CPNE4: variants seen among roughly 807,000 people sequenced by gnomAD.
CPNE4 encodes the protein copine 4.
Under a neutral mutation model 67.9 loss-of-function variants are expected in CPNE4, and 25 were observed. The ratio of observed to expected loss-of-function variants is 0.37; its 90% confidence interval spans 0.27 to 0.51. CPNE4 has a LOEUF of 0.51. Among genes scored for constraint, CPNE4 ranks in the 20% least tolerant of loss-of-function variants. CPNE4 has a pLI of 0.93. For synonymous variants in CPNE4, 242 were observed against 244.9 expected (o/e 0.99, Z 0.11); for missense variants, 464 against 690.8 (o/e 0.67, Z 3.68).
chr3:131,912,366 G>T lies in CPNE4; in HGVS notation c.-1-6922C>A, dbSNP rs997217057. On this transcript the variant is annotated intron_variant, in intron 1 of 15. Transcript: ENST00000429747. ...TTCACAGGGGAACCAACTGAGCAGAGCTTGTCTTAAGACTGTGTCAAGAAT... is the reference window on the plus strand; with the variant it reads ...TTCACAGGGGAACCAACTGAGCAGATCTTGTCTTAAGACTGTGTCAAGAAT... 2.2e-4 allele frequency among the ~76,000 whole-genome samples: 33 copies of T among 152,114 alleles called. 1 individual carries two copies. Among genetic ancestry groups the T allele is most frequent in the African/African-American group, 7.7e-4 (32 of 41,530 alleles).
At chr3:131,658,135 GT>G (rs11434539) in intron 7 of CPNE4, among the ~76,000 whole-genome samples, 1 of 151,836 alleles carries the variant, frequency 6.6e-6, no homozygotes. Context: ...ATTTATTTTT[GT>G]TTTTTGTAAA....
At chr3:131,558,046 C>G (rs944411188) in intron 11 of CPNE4, among the ~76,000 whole-genome samples, 1 of 151,902 alleles carries the variant, frequency 6.6e-6, no homozygotes, top group Non-Finnish European at 1.5e-5. Flanking sequence ...TCCTTTTATA[C>G]TTTCTAAGCC....
chr3:131,604,657 C>G (rs1189950131), intron 7 of CPNE4, among the ~76,000 whole-genome samples: 1 of 152,126 alleles, frequency 6.6e-6, no homozygotes, highest in East Asian at 1.9e-4. Context: ...ACATCGGACT[C>G]CATGTTCTTC....
intron 2 of CPNE4, among the ~76,000 whole-genome samples, chr3:131,764,489 AAAT>A (rs1384638754): frequency 1.3e-5 from 2 of 152,158 alleles, no homozygotes; most frequent in Non-Finnish European, 2.9e-5. Context: ...TGAATATGAA[AAAT>A]AATATTATAA....
At chr3:131,730,464 T>A (rs1175113519) in intron 2 of CPNE4, among the ~76,000 whole-genome samples, 1 of 152,232 alleles carries the variant, frequency 6.6e-6, no homozygotes, top group African/African-American at 2.4e-5. Flanking sequence ...TTTATTATAC[T>A]ATGTCATTTG....
At chr3:131,594,849 T>G (rs1026091104) in intron 7 of CPNE4, among the ~76,000 whole-genome samples, 4 of 151,878 alleles carry the variant, frequency 2.6e-5, no homozygotes, top group Admixed American at 2.6e-4. Flanking sequence ...ACAACTTAAC[T>G]TAATAGCAAA....
intron 2 of CPNE4, among the ~76,000 whole-genome samples, chr3:131,733,331 T>G (rs1362853544): frequency 6.6e-6 from 1 of 152,186 alleles, no homozygotes; most frequent in Non-Finnish European, 1.5e-5. Flanking sequence ...GACTGTTGAG[T>G]GTCCAGCACA....
At chr3:131,831,139 A>C (rs1450735882) in intron 2 of CPNE4, among the ~76,000 whole-genome samples, 1 of 152,068 alleles carries the variant, frequency 6.6e-6, no homozygotes, top group Non-Finnish European at 1.5e-5. Flanking sequence ...TCAAAATGGA[A>C]ACAATAAGCT....
At chr3:131,919,821 T>C (rs374715641) in intron 1 of CPNE4, among the ~76,000 whole-genome samples, 8 of 152,344 alleles carry the variant, frequency 5.3e-5, no homozygotes, top group East Asian at 1.9e-4. Context: ...AACTAGGTGA[T>C]ACTTATAAAG....
At chr3:132,003,887 G>A (rs1487072679) in intron 1 of CPNE4, among the ~76,000 whole-genome samples, 5 of 152,032 alleles carry the variant, frequency 3.3e-5, no homozygotes, top group South Asian at 2.1e-4. Flanking sequence ...GAAACTTGCC[G>A]GCATCAGCAT....
chr3:131,866,757 T>C (rs1397810564), intron 2 of CPNE4, among the ~76,000 whole-genome samples: 1 of 152,096 alleles, frequency 6.6e-6, no homozygotes, highest in African/African-American at 2.4e-5. Flanking sequence ...AAAGATCAGA[T>C]AACATGGAAA....
intron 2 of CPNE4, among the ~76,000 whole-genome samples, chr3:131,822,849 T>C (rs1004960894): frequency 1.3e-5 from 2 of 152,188 alleles, no homozygotes; most frequent in African/African-American, 4.8e-5. Flanking sequence ...TTTATTTATT[T>C]ATTTTCTAGA....
At chr3:131,620,522 C>T in intron 7 of CPNE4, 2 of 927,602 alleles carry the variant, frequency 2.2e-6, no homozygotes, top group Non-Finnish European at 1.3e-6. Flanking sequence ...AATGGTTCCT[C>T]AAGTATGTCC....
At chr3:131,792,447 C>A (rs1368116448) in intron 2 of CPNE4, among the ~76,000 whole-genome samples, 2 of 151,272 alleles carry the variant, frequency 1.3e-5, no homozygotes, top group African/African-American at 4.9e-5. Flanking sequence ...GAAGAAATCT[C>A]AACCTATGGC....
At chr3:131,820,005 C>T (rs1158796922) in intron 2 of CPNE4, among the ~76,000 whole-genome samples, 2 of 152,206 alleles carry the variant, frequency 1.3e-5, no homozygotes, top group Non-Finnish European at 2.9e-5. Flanking sequence ...CCAGTGTTGT[C>T]ACTTCATGTG....
chr3:131,608,741 G>T (rs890585314), intron 7 of CPNE4, among the ~76,000 whole-genome samples: 3 of 152,132 alleles, frequency 2.0e-5, no homozygotes, highest in Non-Finnish European at 2.9e-5. Flanking sequence ...GTGACTAGAA[G>T]GGTATAGTAA....
intron 12 of CPNE4, among the ~76,000 whole-genome samples, chr3:131,553,008 A>G (rs558373824): frequency 1.3e-5 from 2 of 152,260 alleles, no homozygotes; most frequent in South Asian, 4.1e-4. Flanking sequence ...TCACATACCT[A>G]CAGGTAAAAC....
At chr3:131,862,474 G>C (rs2086729520) in intron 2 of CPNE4, among the ~76,000 whole-genome samples, 1 of 151,816 alleles carries the variant, frequency 6.6e-6, no homozygotes, top group African/African-American at 2.4e-5. Flanking sequence ...CTTACCTCTG[G>C]TTTCTCCCCC....
At chr3:131,999,511 A>G (rs1319929420) in intron 1 of CPNE4, among the ~76,000 whole-genome samples, 2 of 152,122 alleles carry the variant, frequency 1.3e-5, no homozygotes, top group East Asian at 1.9e-4. Context: ...AAATAATTCT[A>G]TGCTGGAAAA....
Sources: allele counts gnomAD v4.1 joint callset (sites outside exome capture counted in the v4.1 genomes callset), GRCh38; gene constraint gnomAD v4.1.1; transcripts MANE v1.5; gene names NCBI Gene and HGNC (gene_info 2026-07-23, HGNC 2026-07-21).